Variants in CAMTA1 observed in about 807,000 individuals in gnomAD.
The protein encoded by CAMTA1 is calmodulin-binding transcription activator 1.
Under a neutral mutation model 170.9 loss-of-function variants are expected in CAMTA1, and 27 were observed. That is an observed-to-expected ratio of 0.16 (90% CI 0.12 to 0.22). The LOEUF is 0.22. CAMTA1 is among the 10% of genes least tolerant of loss of function. The pLI is 1.00. For missense variants in CAMTA1, 1,619 were observed against 2,217.2 expected, an observed-to-expected ratio of 0.73 and a Z score of 5.42; for synonymous variants, 833 against 891.5, an observed-to-expected ratio of 0.93 and a Z score of 1.17.
chr1:6,962,566 C>T, intron 3 of CAMTA1, among the ~76,000 whole-genome samples: 1 of 150,314 alleles, frequency 6.7e-6, no homozygotes, highest in Non-Finnish European at 1.5e-5. Flanking sequence ...CGCCCACATC[C>T]AGCCTTCCCA....
At chr1:7,091,263 G>T in intron 3 of CAMTA1, 41 bp from the exon 4 acceptor site, 2 of 1,436,864 alleles carry the variant, frequency 1.4e-6, no homozygotes, top group South Asian at 2.3e-5. Flanking sequence ...GATCCAATGT[G>T]AGCTAATTGT....
At chr1:7,179,391 T>A (rs971898019) in intron 4 of CAMTA1, among the ~76,000 whole-genome samples, 1 of 152,180 alleles carries the variant, frequency 6.6e-6, no homozygotes, top group Admixed American at 6.5e-5. Context: ...ATCAAGAAGA[T>A]AGGTATTATG....
chr1:6,792,518 T>C (rs1163560410), intron 1 of CAMTA1, among the ~76,000 whole-genome samples: 1 of 152,082 alleles, frequency 6.6e-6, no homozygotes, highest in African/African-American at 2.4e-5. Flanking sequence ...AGAGAAATAT[T>C]ATGTACCCCA....
chr1:7,166,054 G>A (rs1167622556), intron 4 of CAMTA1, among the ~76,000 whole-genome samples: 1 of 151,640 alleles, frequency 6.6e-6, no homozygotes, highest in East Asian at 1.9e-4. Flanking sequence ...GCGGGGGGGT[G>A]TGTTTACTTG....
chr1:7,502,377 T>C (rs994959794), intron 6 of CAMTA1, among the ~76,000 whole-genome samples: 4 of 152,222 alleles, frequency 2.6e-5, no homozygotes, highest in Non-Finnish European at 5.9e-5. Context: ...AGGCAGGATG[T>C]AGTACACGAG....
intron 5 of CAMTA1, among the ~76,000 whole-genome samples, chr1:7,261,461 A>G (rs767142038): frequency 6.6e-6 from 1 of 152,194 alleles, no homozygotes; most frequent in Non-Finnish European, 1.5e-5. Context: ...ACTAAGAGTA[A>G]CTATTAGATC....
rs991291297 is a variant in CAMTA1, at chr1:7,007,458, C to G, written c.235-83846C>G. Among the ~76,000 whole-genome samples the G allele has an allele frequency of 7.2e-5, 11 of 152,198 alleles. No homozygotes were observed. The highest frequency in any genetic ancestry group is 2.7e-4 in the African/African-American group (11 of 41,462). On this transcript the variant is annotated intron_variant, in intron 3 of 22. Transcript: ENST00000303635. The surrounding 1 kb of genome is among the most constrained non-coding windows in gnomAD (Gnocchi z 4.5). ...AACAGAATGTCACACCCAGGTCCTT[C>G]CCTCGCCTCGAGAACCCCAAGCGAA... is the stretch of plus-strand genomic sequence containing the variant.
At chr1:7,217,149 G>C (rs1659882553) in intron 4 of CAMTA1, among the ~76,000 whole-genome samples, 1 of 152,196 alleles carries the variant, frequency 6.6e-6, no homozygotes, top group Admixed American at 6.5e-5. Flanking sequence ...CATGGGGACA[G>C]TTTCCCCCAT....
At chr1:7,638,581 GCAGTGAGCCGATATTAGGCCACTGC>G (rs1273160656) in intron 6 of CAMTA1, among the ~76,000 whole-genome samples, 27 of 151,988 alleles carry the variant, frequency 1.8e-4, no homozygotes, top group Non-Finnish European at 3.5e-4. Flanking sequence ...GGTGGAGGTT[GCAGTGAGCCGATATTAGGCCACTGC>G]ACTCCAGCCT....
At chr1:7,704,293 A>G (rs2096479677) in intron 11 of CAMTA1, among the ~76,000 whole-genome samples, 1 of 142,240 alleles carries the variant, frequency 7.0e-6, no homozygotes, top group South Asian at 2.2e-4. Context: ...CCCCGCGGGA[A>G]GGGGAACGGG....
At chr1:7,340,138 C>G (rs2083690754) in intron 5 of CAMTA1, among the ~76,000 whole-genome samples, 1 of 152,202 alleles carries the variant, frequency 6.6e-6, no homozygotes, top group African/African-American at 2.4e-5. Flanking sequence ...GGAACAAAAG[C>G]AGCCATAGAC....
intron 5 of CAMTA1, among the ~76,000 whole-genome samples, chr1:7,349,569 G>A (rs1194811616): frequency 1.3e-5 from 2 of 152,182 alleles, no homozygotes; most frequent in Non-Finnish European, 2.9e-5. Context: ...CTGGAGAAGC[G>A]AAGTCTGAGA....
At chr1:7,157,536 CTG>C (rs1464893613) in intron 4 of CAMTA1, among the ~76,000 whole-genome samples, 3 of 152,006 alleles carry the variant, frequency 2.0e-5, no homozygotes, top group African/African-American at 4.8e-5. Flanking sequence ...TTTTAAAAGA[CTG>C]AGGATACCAT....
chr1:7,704,444 G>A (rs1487759755), intron 11 of CAMTA1, among the ~76,000 whole-genome samples: 1 of 146,038 alleles, frequency 6.8e-6, no homozygotes, highest in Non-Finnish European at 1.5e-5. Context: ...GGCGGGGACC[G>A]CGTCGCGAGG....
At chr1:6,897,706 G>A (rs1324053033) in intron 3 of CAMTA1, among the ~76,000 whole-genome samples, 1 of 152,174 alleles carries the variant, frequency 6.6e-6, no homozygotes, top group Non-Finnish European at 1.5e-5. Flanking sequence ...ATATGGTGGT[G>A]ATTATTTGTT....
chr1:7,418,937 A>AGG (rs2091380133), intron 5 of CAMTA1, among the ~76,000 whole-genome samples: 1 of 151,570 alleles, frequency 6.6e-6, no homozygotes, highest in Non-Finnish European at 1.5e-5. Context: ...CTGCAGCCAG[A>AGG]GGGATCTTCA....
intron 3 of CAMTA1, among the ~76,000 whole-genome samples, chr1:6,859,835 C>T (rs1663962533): frequency 1.3e-5 from 2 of 152,156 alleles, no homozygotes; most frequent in Admixed American, 1.3e-4. Context: ...AATTTGGACT[C>T]TCATTAGCTA....
intron 3 of CAMTA1, among the ~76,000 whole-genome samples, chr1:6,861,461 T>G (rs546687893): frequency 1.3e-5 from 2 of 152,330 alleles, no homozygotes; most frequent in South Asian, 4.1e-4. Context: ...TTAGAACACA[T>G]TAAAAATAAG....
At chr1:6,986,453 T>C (rs1695375199) in intron 3 of CAMTA1, among the ~76,000 whole-genome samples, 1 of 152,168 alleles carries the variant, frequency 6.6e-6, no homozygotes, top group Non-Finnish European at 1.5e-5. Context: ...GAACTGACTT[T>C]CCAGGTGCAG....
Sources: allele counts gnomAD v4.1 joint callset (sites outside exome capture counted in the v4.1 genomes callset), GRCh38; gene constraint gnomAD v4.1.1; non-coding constraint Gnocchi (gnomAD v3.1); transcripts MANE v1.5; gene names NCBI Gene and HGNC (gene_info 2026-07-23, HGNC 2026-07-21).